Variants in CEP20 observed in about 807,000 individuals in gnomAD.
CEP20 encodes centrosomal protein 20, also known as FGFR1OP N-terminal like.
A neutral mutation model predicts 20.0 loss-of-function variants in CEP20; 18 were observed. That is an observed-to-expected ratio of 0.90 (90% confidence interval 0.62 to 1.34). CEP20 has a LOEUF of 1.34. Among genes scored for constraint, CEP20 ranks in the 40% most tolerant of loss-of-function variants. The pLI, the probability that CEP20 is intolerant of heterozygous loss-of-function variation, is 0.00. For synonymous variants in CEP20, 77 were observed against 73.7 expected (o/e 1.04, Z -0.23); for missense variants, 215 against 201.6 (o/e 1.07, Z -0.40).
At chr16:15,887,640 G>A (rs2045276110) in intron 1 of CEP20, among the ~76,000 whole-genome samples, 1 of 152,210 alleles carries the variant, frequency 6.6e-6, no homozygotes, top group African/African-American at 2.4e-5. Flanking sequence ...CCTGACACAT[G>A]AGGCTCAATG....
chr16:15,888,539 C>A lies in CEP20; in HGVS notation c.28+19G>T. ...AGGCCCGACGCTTCCCATGTGGAGG[C>A]CTCCCTGCTCGCACTCACCAGCCTT... On this transcript the variant is annotated intron_variant, in intron 1 of 4. Transcript: ENST00000255759. The A allele has an allele frequency of 3.1e-6, 5 of 1,614,158 alleles. No homozygotes were observed. The highest frequency in any genetic ancestry group is 4.2e-6 in the Non-Finnish European group (5 of 1,180,012).
At chr16:15,883,328 A>T (rs2045157016) in intron 2 of CEP20, among the ~76,000 whole-genome samples, 1 of 152,094 alleles carries the variant, frequency 6.6e-6, no homozygotes, top group Admixed American at 6.6e-5. Flanking sequence ...GCACCACTGC[A>T]GTCCAGCCTT....
chr16:15,880,213 C>T (rs750768182), intron 2 of CEP20, among the ~76,000 whole-genome samples: 10 of 152,126 alleles, frequency 6.6e-5, no homozygotes, highest in Non-Finnish European at 1.5e-4. Context: ...AAAGAATATC[C>T]ACTTGGTGAC....
chr16:15,878,080 G>T (rs1383063323), intron 3 of CEP20, among the ~76,000 whole-genome samples: 1 of 151,468 alleles, frequency 6.6e-6, no homozygotes, highest in South Asian at 2.1e-4. Flanking sequence ...AAAAAAAAAA[G>T]AAACAAGGGA....
intron 4 of CEP20, among the ~76,000 whole-genome samples, chr16:15,872,500 AG>A (rs1222006842): frequency 3.9e-5 from 6 of 152,066 alleles, no homozygotes; most frequent in African/African-American, 1.4e-4. Context: ...CTTAAGACCG[AG>A]TTCAAGACCA....
intron 4 of CEP20, among the ~76,000 whole-genome samples, chr16:15,867,973 CAAA>C (rs34250443): frequency 2.9e-5 from 2 of 69,640 alleles, no homozygotes; most frequent in African/African-American, 5.1e-5. Context: ...AACTCGGTCT[CAAA>C]AAAAAAAAAA....
At position 15,866,050 on chromosome 16, in the gene CEP20, G is replaced by A. The variant is rs1420780614; in HGVS notation, c.*1390C>T. 2 of 152,088 alleles carry A rather than the reference G, an allele frequency of 1.3e-5. No homozygotes were observed. Among genetic ancestry groups the A allele is most frequent in the African/African-American group, 4.8e-5 (2 of 41,410 alleles). 9.4% of individuals were successfully genotyped at this position (152,088 alleles called of 1,614,324 possible). A position where few individuals can be genotyped will look rare whatever the true frequency, so the allele number is the denominator to read the frequency against. On this transcript the variant is annotated 3_prime_UTR_variant, in exon 5 of 5. Coordinates refer to ENST00000255759, the MANE Select transcript of CEP20 (RefSeq NM_144600.4). ...TTCATCAATGTAATCAGATATTGCA[G>A]ATTTAAAAATGGAAAATGGACTCTT...
chr16:15,878,055 C>T (rs1255854377), intron 3 of CEP20, among the ~76,000 whole-genome samples: 1 of 127,716 alleles, frequency 7.8e-6, no homozygotes, highest in African/African-American at 2.9e-5. Flanking sequence ...CCCTATCTCA[C>T]AAAAAGGAAA....
Position 15,867,562 on chromosome 16 carries a change from C to G in CEP20, c.449-46G>C, listed in dbSNP as rs115194694. The stretch of plus-strand genomic sequence containing the variant: ...TGTTAATACTTATCCCAAGTCAAAA[C>G]ACACAGATAGGTAGACATAGCTACA... On this transcript the variant is annotated intron_variant, in intron 4 of 4. Transcript: ENST00000255759. 3.4e-3 allele frequency: 4,404 copies of G among 1,308,582 alleles called. 98 individuals are homozygous for G. In the African/African-American group the frequency reaches 0.039, roughly 12 times the overall value. 81.1% of individuals were successfully genotyped at this position (1,308,582 alleles called of 1,614,324 possible).
chr16:15,885,027 C>CA (rs2045206286), intron 1 of CEP20: 2 of 151,948 alleles, frequency 1.3e-5, no homozygotes, highest in Admixed American at 1.3e-4. Context: ...ACCTTGATGG[C>CA]AGGGCATGGT....
At chr16:15,877,654 G>C (rs1387976500) in intron 3 of CEP20, among the ~76,000 whole-genome samples, 1 of 152,142 alleles carries the variant, frequency 6.6e-6, no homozygotes, top group Non-Finnish European at 1.5e-5. Flanking sequence ...GCGTATGCCT[G>C]TAATTCCAGC....
intron 2 of CEP20, 123 bp from the exon 3 acceptor site, chr16:15,880,011 C>T (rs946060942): frequency 9.5e-6 from 6 of 633,584 alleles, no homozygotes; most frequent in African/African-American, 1.9e-5. Context: ...TGACAACACA[C>T]ACCAAGACAG....
At chr16:15,882,547 C>T (rs1159608576) in intron 2 of CEP20, among the ~76,000 whole-genome samples, 1 of 130,324 alleles carries the variant, frequency 7.7e-6, no homozygotes, top group Non-Finnish European at 1.6e-5. Context: ...AACAAACAAA[C>T]AAACATACAA....
At chr16:15,872,943 C>G (rs1489665184) in intron 4 of CEP20, among the ~76,000 whole-genome samples, 1 of 151,908 alleles carries the variant, frequency 6.6e-6, no homozygotes, top group Non-Finnish European at 1.5e-5. Context: ...ATTTAGCAAT[C>G]TTACCTTTTA....
intron 3 of CEP20, among the ~76,000 whole-genome samples, chr16:15,876,066 C>CAAAAAA (rs199971058): frequency 1.0e-5 from 1 of 96,766 alleles, no homozygotes. Context: ...TCATTGCACT[C>CAAAAAA]AAAAAAAAAA....
chr16:15,881,605 G>A (rs2045099052), intron 2 of CEP20, among the ~76,000 whole-genome samples: 1 of 152,060 alleles, frequency 6.6e-6, no homozygotes, highest in South Asian at 2.1e-4. Flanking sequence ...TGAAACGAGG[G>A]AATCCGATGA....
chr16:15,876,858 T>C (rs1412832092), intron 3 of CEP20, among the ~76,000 whole-genome samples: 3 of 151,768 alleles, frequency 2.0e-5, no homozygotes, highest in Admixed American at 1.3e-4. Context: ...CTTACTTTTT[T>C]TTTTTTTTTT....
chr16:15,881,313 T>G (rs60413966), intron 2 of CEP20, among the ~76,000 whole-genome samples: 10,506 of 152,202 alleles, frequency 0.069, 472 homozygotes, highest in East Asian at 0.22. Flanking sequence ...TTCTAGTGAA[T>G]CCCAAGTCCC....
chr16:15,879,260 G>GTTT (rs1230335645), intron 3 of CEP20, among the ~76,000 whole-genome samples: 1 of 149,902 alleles, frequency 6.7e-6, no homozygotes, highest in African/African-American at 2.5e-5. Context: ...TTTTGTTTTT[G>GTTT]TTTTTGTTTT....
Sources: gnomAD v4.1 joint callset for allele counts (sites outside exome capture counted in the v4.1 genomes callset) on GRCh38, gnomAD v4.1.1 for gene constraint, MANE v1.5 for transcripts, NCBI Gene and HGNC (gene_info 2026-07-23, HGNC 2026-07-21) for gene names.